MAML3: variants seen among roughly 807,000 people sequenced by gnomAD.
MAML3 encodes mastermind-like protein 3.
Under a neutral mutation model 101.9 loss-of-function variants are expected in MAML3, and 27 were observed. The observed-to-expected ratio is 0.27, with a 90% CI of 0.20 to 0.37. MAML3 has a LOEUF of 0.37. Among genes scored for constraint, MAML3 ranks in the 10% least tolerant of loss-of-function variants. The pLI, the probability that MAML3 is intolerant of heterozygous loss-of-function variation, is 1.00. For missense variants in MAML3, 1,316 were observed against 1,444.9 expected (o/e 0.91, Z 1.45); for synonymous variants, 501 against 555.9 (o/e 0.90, Z 1.39).
intron 2 of MAML3, among the ~76,000 whole-genome samples, chr4:139,758,419 A>G (rs1219762802): frequency 6.6e-6 from 1 of 152,238 alleles, no homozygotes; most frequent in Non-Finnish European, 1.5e-5. Flanking sequence ...AGATATGGCT[A>G]CTACAGCTGA....
chr4:139,757,749 C>T (rs1381771675), intron 2 of MAML3, among the ~76,000 whole-genome samples: 1 of 152,020 alleles, frequency 6.6e-6, no homozygotes. Flanking sequence ...CCCCATGCTA[C>T]CTCTGATCCT....
chr4:140,104,352 C>A (rs1479235163), intron 1 of MAML3, among the ~76,000 whole-genome samples: 2 of 10,206 alleles, frequency 2.0e-4, no homozygotes, highest in Non-Finnish European at 3.2e-4. Context: ...AAAAAAAAAC[C>A]AAACCTATTT....
chr4:139,746,309 C>T (rs977311258), intron 2 of MAML3, among the ~76,000 whole-genome samples: 3 of 152,148 alleles, frequency 2.0e-5, no homozygotes, highest in Non-Finnish European at 4.4e-5. Flanking sequence ...CATCAGTACA[C>T]AACCAGTTGG....
At chr4:140,011,232 G>GTATATA (rs1560865855) in intron 1 of MAML3, among the ~76,000 whole-genome samples, 2 of 28,482 alleles carry the variant, frequency 7.0e-5, no homozygotes, top group South Asian at 1.7e-3. Context: ...TATAAAGTGT[G>GTATATA]CATATATATA....
intron 2 of MAML3, among the ~76,000 whole-genome samples, chr4:139,817,071 A>ATG (rs775166357): frequency 1.4e-4 from 21 of 152,138 alleles, no homozygotes; most frequent in Admixed American, 9.8e-4. Flanking sequence ...TACCTCTGCC[A>ATG]TGATGTCACT....
chr4:139,881,415 A>G (rs1481334177), intron 2 of MAML3, among the ~76,000 whole-genome samples: 1 of 152,196 alleles, frequency 6.6e-6, no homozygotes, highest in African/African-American at 2.4e-5. Context: ...ATCCAAGTTT[A>G]CAACCCTCAG....
intron 1 of MAML3, among the ~76,000 whole-genome samples, chr4:140,132,778 C>T (rs534574061): frequency 4.9e-4 from 74 of 152,304 alleles, no homozygotes; most frequent in African/African-American, 1.7e-3. Context: ...GTAATTATTT[C>T]CTATATGCGG....
intron 1 of MAML3, among the ~76,000 whole-genome samples, chr4:140,102,426 G>A (rs1352563633): frequency 6.6e-6 from 1 of 152,184 alleles, no homozygotes; most frequent in East Asian, 1.9e-4. Context: ...TGCCAAGCAA[G>A]GCTGGTTTCT....
intron 1 of MAML3, among the ~76,000 whole-genome samples, chr4:140,137,011 C>T (rs1362636523): frequency 6.6e-6 from 1 of 152,214 alleles, no homozygotes; most frequent in African/African-American, 2.4e-5. Context: ...GTTTTTGAGA[C>T]GGAGTCTCGT....
intron 2 of MAML3, among the ~76,000 whole-genome samples, chr4:139,850,264 G>C (rs1007601043): frequency 6.6e-6 from 1 of 152,222 alleles, no homozygotes; most frequent in African/African-American, 2.4e-5. Flanking sequence ...CTAAAGGATA[G>C]TTTCAAGTCA....
At chr4:139,766,637 A>G (rs2111061199) in intron 2 of MAML3, among the ~76,000 whole-genome samples, 1 of 152,330 alleles carries the variant, frequency 6.6e-6, no homozygotes, top group South Asian at 2.1e-4. Context: ...ACAGCAATAG[A>G]ATGGACAACG....
chr4:140,096,724 G>C (rs1031026776), intron 1 of MAML3, among the ~76,000 whole-genome samples: 4 of 152,014 alleles, frequency 2.6e-5, no homozygotes, highest in African/African-American at 7.2e-5. Context: ...CATGTTGAGG[G>C]ACAATGAGTT....
chr4:139,812,887 C>T (rs9994699), intron 2 of MAML3, among the ~76,000 whole-genome samples: 3,997 of 147,464 alleles, frequency 0.027, 186 homozygotes, highest in African/African-American at 0.095. Flanking sequence ...ATGCAGACTC[C>T]GAATAAATAA....
chr4:139,957,066 C>G (rs544501734), intron 1 of MAML3, among the ~76,000 whole-genome samples: 1 of 152,302 alleles, frequency 6.6e-6, no homozygotes, highest in African/African-American at 2.4e-5. Flanking sequence ...CAACGTCACA[C>G]AGCTGGAATA....
intron 1 of MAML3, among the ~76,000 whole-genome samples, chr4:139,967,284 G>T (rs1734151119): frequency 6.6e-6 from 1 of 152,068 alleles, no homozygotes; most frequent in Non-Finnish European, 1.5e-5. Flanking sequence ...TCTTCCCTGA[G>T]GTCACCTTTC....
intron 1 of MAML3, among the ~76,000 whole-genome samples, chr4:139,995,683 T>G (rs894833565): frequency 6.6e-6 from 1 of 152,184 alleles, no homozygotes; most frequent in Middle Eastern, 3.2e-3. Context: ...TATGGCTCAT[T>G]TTTCATTCGT....
At chr4:139,936,989 C>T (rs1235329397) in intron 1 of MAML3, among the ~76,000 whole-genome samples, 1 of 152,096 alleles carries the variant, frequency 6.6e-6, no homozygotes, top group Non-Finnish European at 1.5e-5. Context: ...CAAGTTTCTA[C>T]CCAGTGTCAA....
intron 1 of MAML3, among the ~76,000 whole-genome samples, chr4:139,974,861 G>A (rs1186070912): frequency 2.0e-5 from 3 of 152,104 alleles, no homozygotes; most frequent in African/African-American, 7.2e-5. Context: ...CTTGAAGGAC[G>A]GGTAGAATGT....
chr4:139,733,389 CA>C (rs1388247964), intron 2 of MAML3, among the ~76,000 whole-genome samples: 1 of 152,006 alleles, frequency 6.6e-6, no homozygotes, highest in African/African-American at 2.4e-5. Context: ...CCTGTGTGAC[CA>C]GCCCGCACAG....
Sources: allele counts gnomAD v4.1 joint callset (sites outside exome capture counted in the v4.1 genomes callset), GRCh38; gene constraint gnomAD v4.1.1; transcripts MANE v1.5; gene names NCBI Gene and HGNC (gene_info 2026-07-23, HGNC 2026-07-21).